Variants in LAD1 observed in about 807,000 individuals in gnomAD.
The protein encoded by LAD1 is ladinin 1.
LAD1 carries 53 observed loss-of-function variants against 54.2 expected under a neutral mutation model. That is an observed-to-expected ratio of 0.98 (90% confidence interval 0.78 to 1.23). The LOEUF (loss-of-function observed/expected upper bound fraction) is 1.23. LAD1 is among the 50% of genes most tolerant of loss of function. LAD1 has a pLI of 0.00. For synonymous variants in LAD1, 231 were observed against 257.7 expected (o/e 0.90, Z 0.99); for missense variants, 637 against 653.3 (o/e 0.98, Z 0.27).
rs1662041745 is a variant in LAD1 at position 201,384,845 on chromosome 1, G to A, written c.1132-10C>T. 6.2e-7 allele frequency: 1 copy of A among 1,613,842 alleles called. No homozygotes were observed. Among genetic ancestry groups the A allele is most frequent in the Non-Finnish European group, 8.5e-7 (1 of 1,179,978 alleles). ...CTTTCTTGGGTTTCATCTGAAATGA[G>A]AAGGAAAGGCATTGTTGTGTGGGAG... is the stretch of plus-strand genomic sequence containing the variant. On this transcript the variant is annotated splice_polypyrimidine_tract_variant and intron_variant, in intron 4 of 9. Transcript: ENST00000391967.
At chr1:201,397,023 C>G (rs571218548) in intron 1 of LAD1, among the ~76,000 whole-genome samples, 203 of 152,294 alleles carry the variant, frequency 1.3e-3, no homozygotes, top group African/African-American at 4.7e-3. Flanking sequence ...AGGCCTCTGA[C>G]CAGGGCACCC....
rs1337919001 is a variant in LAD1 at position 201,383,347 on chromosome 1, C to T, written c.1218G>A (p.Glu406=). The change falls in exon 6 of 10, where the codon GAG becomes GAA. Residue 406 remains glutamate, a synonymous_variant. Coordinates refer to ENST00000391967, the MANE Select transcript of LAD1 (RefSeq NM_005558.4). ...TGGCCGTGTGGTATCTCTCCAGCTTCTCTCCCAACTTCACTGTGTTGTCTG... is the reference window on the plus strand; with the variant it reads ...TGGCCGTGTGGTATCTCTCCAGCTTTTCTCCCAACTTCACTGTGTTGTCTG... ...KLPDNTVKLG[E]KLERYHTAIR... The T allele has an allele frequency of 6.2e-7, 1 of 1,614,084 alleles. No homozygotes were observed. The highest frequency in any genetic ancestry group is 1.7e-5 in the Admixed American group (1 of 60,028).
intron 1 of LAD1, among the ~76,000 whole-genome samples, chr1:201,397,570 T>G (rs1477608448): frequency 6.6e-6 from 1 of 151,588 alleles, no homozygotes; most frequent in African/African-American, 2.4e-5. Context: ...CACCCCCCCA[T>G]GCATATCCAG....
At chr1:201,384,605 T>A in intron 5 of LAD1, 187 bp downstream of exon 5, 1 of 632,546 alleles carries the variant, frequency 1.6e-6, no homozygotes, top group East Asian at 2.8e-5. Context: ...CCTTGTTCCA[T>A]CTTATCCCGC....
intron 1 of LAD1, among the ~76,000 whole-genome samples, chr1:201,390,569 C>T (rs6671391): frequency 0.26 from 39,058 of 151,976 alleles, 7,778 homozygotes; most frequent in African/African-American, 0.56. Flanking sequence ...TAGTTCAAAT[C>T]ATACGTCTAT....
intron 1 of LAD1, among the ~76,000 whole-genome samples, chr1:201,396,196 G>T (rs976377502): frequency 6.6e-6 from 1 of 152,144 alleles, no homozygotes; most frequent in East Asian, 1.9e-4. Flanking sequence ...GCCCCAGGCA[G>T]CTGCCTACCA....
At chr1:201,391,563 T>C (rs1662196144) in intron 1 of LAD1, among the ~76,000 whole-genome samples, 1 of 152,162 alleles carries the variant, frequency 6.6e-6, no homozygotes, top group African/African-American at 2.4e-5. Context: ...GCCCTGGAGA[T>C]ATTGACAATC....
At position 201,383,355 on chromosome 1, in the gene LAD1, A is replaced by G. The variant is rs1344938866; in HGVS notation, c.1210T>C (p.Leu404=). 2 of 1,613,854 alleles carry G rather than the reference A, an allele frequency of 1.2e-6. No individual in the cohort carries two copies. Among genetic ancestry groups the G allele is most frequent in the Admixed American group, 3.3e-5 (2 of 60,002 alleles). The change falls in exon 6 of 10, where the codon TTG becomes CTG. Residue 404 remains leucine, a synonymous_variant. Transcript: ENST00000391967. ...TGGTATCTCTCCAGCTTCTCTCCCA[A>G]CTTCACTGTGTTGTCTGGGAGCTTC... The part of the protein sequence containing the change: ...SMKLPDNTVK[L]GEKLERYHTA...
chr1:201,392,373 C>T (rs1039113778), intron 1 of LAD1, among the ~76,000 whole-genome samples: 1 of 152,232 alleles, frequency 6.6e-6, no homozygotes, highest in Non-Finnish European at 1.5e-5. Flanking sequence ...GGGAGTCAGA[C>T]CATGAGCAAG....
At chr1:201,383,936 C>T (rs1662022657) in intron 5 of LAD1, among the ~76,000 whole-genome samples, 3 of 152,184 alleles carry the variant, frequency 2.0e-5, no homozygotes, top group Non-Finnish European at 4.4e-5. Context: ...AAATGCTATT[C>T]CTCCAGTTTT....
chr1:201,396,770 C>T (rs541079496), intron 1 of LAD1, among the ~76,000 whole-genome samples: 51 of 152,238 alleles, frequency 3.4e-4, no homozygotes, highest in Admixed American at 1.4e-3. Context: ...CCTTAAGTTC[C>T]CCTTCTGCAT....
Position 201,381,738 on chromosome 1 carries a change from C to A in LAD1, c.*150G>T, listed in dbSNP as rs1661964494. ...GAGCTGGCTGAGTCTTGCAAATATTCCTGACCCCAGGGACCCTGGCCAAAC... is the reference window on the plus strand; with the variant it reads ...GAGCTGGCTGAGTCTTGCAAATATTACTGACCCCAGGGACCCTGGCCAAAC... On this transcript the variant is annotated 3_prime_UTR_variant, in exon 10 of 10. Coordinates refer to ENST00000391967, the MANE Select transcript of LAD1 (RefSeq NM_005558.4). 9.2e-6 allele frequency: 8 copies of A among 865,046 alleles called. No homozygotes were observed. Among genetic ancestry groups the A allele is most frequent in the Non-Finnish European group, 1.6e-5 (8 of 513,016 alleles). 53.6% of individuals were successfully genotyped at this position (865,046 alleles called of 1,614,324 possible).
At chr1:201,392,598 G>C (rs1213761900) in intron 1 of LAD1, among the ~76,000 whole-genome samples, 1 of 152,210 alleles carries the variant, frequency 6.6e-6, no homozygotes, top group African/African-American at 2.4e-5. Context: ...GTATTCAGGG[G>C]AAGACGGGAA....
chr1:201,389,398 C>T (rs759685999), intron 1 of LAD1, 95 bp from the exon 2 acceptor site: 46 of 1,437,004 alleles, frequency 3.2e-5, no homozygotes, highest in Non-Finnish European at 4.3e-5. Context: ...ACCAAATGCC[C>T]TCTAGGCCTG....
At chr1:201,399,232 C>T (rs980507465) in intron 1 of LAD1, 37 bp downstream of exon 1, 5 of 1,518,344 alleles carry the variant, frequency 3.3e-6, no homozygotes, top group Admixed American at 1.9e-5. Flanking sequence ...GGCTCCCCGC[C>T]GACCCCCCGC....
intron 5 of LAD1, 30 bp from the exon 6 acceptor site, chr1:201,383,419 C>T: frequency 1.9e-6 from 3 of 1,608,360 alleles, no homozygotes; most frequent in Non-Finnish European, 2.6e-6. Flanking sequence ...ACAGGCGAGC[C>T]AAGTGAGACA....
chr1:201,394,995 T>C (rs1227979207), intron 1 of LAD1, among the ~76,000 whole-genome samples: 1 of 152,198 alleles, frequency 6.6e-6, no homozygotes, highest in Non-Finnish European at 1.5e-5. Context: ...ACTCAGAGCC[T>C]GGTCTCCTGG....
chr1:201,382,958 G>A (rs1270506904), intron 7 of LAD1, 116 bp downstream of exon 7: 3 of 1,286,688 alleles, frequency 2.3e-6, no homozygotes, highest in East Asian at 2.3e-5. Context: ...TGGAGGTTCT[G>A]CCAACATTAA....
chr1:201,397,579 AG>A (rs2102362091), intron 1 of LAD1, among the ~76,000 whole-genome samples: 1 of 152,116 alleles, frequency 6.6e-6, no homozygotes, highest in Admixed American at 6.5e-5. Context: ...ATGCATATCC[AG>A]GCATGCTTTC....
Sources: gnomAD v4.1 joint callset for allele counts (sites outside exome capture counted in the v4.1 genomes callset) on GRCh38, gnomAD v4.1.1 for gene constraint, MANE v1.5 for transcripts, NCBI Gene and HGNC (gene_info 2026-07-23, HGNC 2026-07-21) for gene names.